The following BMPER variants were observed in gnomAD, a reference collection of about 807,000 sequenced individuals.
BMPER encodes the protein BMP-binding endothelial regulator protein.
In BMPER, 45 loss-of-function variants were observed where a neutral mutation model predicts 87.3. The observed-to-expected ratio is 0.52, with a 90% confidence interval of 0.41 to 0.66. BMPER has a LOEUF of 0.66. BMPER is among the 30% of genes least tolerant of loss of function. The pLI is 0.00. For missense variants in BMPER, 784 were observed against 867.5 expected (o/e 0.90, Z 1.21); for synonymous variants, 326 against 316.2 (o/e 1.03, Z -0.33).
chr7:33,968,471 C>G (rs1189836533), intron 4 of BMPER, among the ~76,000 whole-genome samples: 1 of 152,174 alleles, frequency 6.6e-6, no homozygotes, highest in Non-Finnish European at 1.5e-5. Context: ...TCTTTGCATG[C>G]TCTTCTTTTC....
chr7:33,954,842 G>A (rs1785112518), intron 3 of BMPER, among the ~76,000 whole-genome samples: 1 of 152,060 alleles, frequency 6.6e-6, no homozygotes, highest in South Asian at 2.1e-4. Flanking sequence ...TGCTTTTCTT[G>A]ACAGATATTT....
At chr7:33,937,897 C>T (rs1325405052) in intron 3 of BMPER, among the ~76,000 whole-genome samples, 1 of 152,150 alleles carries the variant, frequency 6.6e-6, no homozygotes, top group Non-Finnish European at 1.5e-5. Flanking sequence ...CTAACATCTC[C>T]TTACTCCAGC....
chr7:34,146,062 C>T lies in BMPER; in HGVS notation c.1876+2702C>T, dbSNP rs550808533. Among the ~76,000 whole-genome samples the T allele has an allele frequency of 4.5e-4, 69 of 152,114 alleles. 1 individual carries two copies. Among genetic ancestry groups the T allele is most frequent in the Middle Eastern group, 3.4e-3 (1 of 292 alleles). On this transcript the variant is annotated intron_variant, in intron 14 of 14. Coordinates refer to ENST00000649409, the MANE Select transcript of BMPER (RefSeq NM_001365308.1). ...ATATACACACACACACATACACACACGCACACACACACATTATGAACTTCC... is the reference window on the plus strand; with the variant it reads ...ATATACACACACACACATACACACATGCACACACACACATTATGAACTTCC...
intron 11 of BMPER, among the ~76,000 whole-genome samples, chr7:34,064,340 A>T (rs1788520798): frequency 6.6e-6 from 1 of 152,122 alleles, no homozygotes; most frequent in Non-Finnish European, 1.5e-5. Context: ...ATCTTGAATT[A>T]TCTGACTTTA....
At chr7:34,117,885 C>G (rs1319845484) in intron 13 of BMPER, among the ~76,000 whole-genome samples, 2 of 152,202 alleles carry the variant, frequency 1.3e-5, no homozygotes, top group East Asian at 3.8e-4. Flanking sequence ...ACTTTTATTT[C>G]TTGTGTTAAA....
At chr7:33,973,952 G>A (rs1785614788) in intron 5 of BMPER, among the ~76,000 whole-genome samples, 1 of 152,100 alleles carries the variant, frequency 6.6e-6, no homozygotes, top group Middle Eastern at 3.2e-3. Context: ...ACACCTCCTG[G>A]GTTTTGGTCC....
chr7:33,965,705 G>A (rs1385517348), intron 3 of BMPER, among the ~76,000 whole-genome samples: 2 of 152,104 alleles, frequency 1.3e-5, no homozygotes, highest in East Asian at 1.9e-4. Flanking sequence ...CAGTGTGGAG[G>A]GTTATTTGTA....
intron 2 of BMPER, among the ~76,000 whole-genome samples, chr7:33,929,628 G>A (rs536191645): frequency 6.6e-6 from 1 of 152,320 alleles, no homozygotes; most frequent in South Asian, 2.1e-4. Context: ...GCATAGTGAT[G>A]AAATCATAGG....
chr7:34,051,735 A>G, intron 7 of BMPER, 126 bp from the exon 8 acceptor site: 3 of 821,220 alleles, frequency 3.7e-6, no homozygotes, highest in Non-Finnish European at 6.3e-6. Context: ...CCAAGACTCT[A>G]TTTTTGTGCT....
intron 13 of BMPER, among the ~76,000 whole-genome samples, chr7:34,111,932 G>C (rs1789976128): frequency 6.6e-6 from 1 of 151,968 alleles, no homozygotes; most frequent in Non-Finnish European, 1.5e-5. Flanking sequence ...GGCTGATCTC[G>C]AACTCCCGAC....
intron 2 of BMPER, among the ~76,000 whole-genome samples, chr7:33,924,460 C>A (rs1261214813): frequency 6.6e-6 from 1 of 152,204 alleles, no homozygotes; most frequent in African/African-American, 2.4e-5. Context: ...GCCTCAGCTC[C>A]CAAAGCACCT....
Position 34,087,658 on chromosome 7 carries a change from G to A in BMPER, c.1745+1566G>A, listed in dbSNP as rs183233531. The stretch of plus-strand genomic sequence containing the variant: ...TATAATTGTTGCCATCATTTCTTCC[G>A]TGATTAATTCAGTAATGAAGAAGAG... On this transcript the variant is annotated intron_variant, in intron 13 of 14. Transcript: ENST00000649409. Among the ~76,000 whole-genome samples, 337 of 152,274 alleles carry A rather than the reference G, an allele frequency of 2.2e-3. 1 individual carries two copies. The highest frequency in any genetic ancestry group is 7.5e-3 in the African/African-American group (312 of 41,560).
At chr7:34,059,545 T>C (rs1268604637) in intron 10 of BMPER, among the ~76,000 whole-genome samples, 1 of 113,272 alleles carries the variant, frequency 8.8e-6, no homozygotes, top group Admixed American at 1.1e-4. Context: ...TTGTCAAAGC[T>C]TGTTGGTGCC....
intron 13 of BMPER, among the ~76,000 whole-genome samples, chr7:34,129,499 G>A (rs115350513): frequency 0.019 from 2,837 of 150,446 alleles, 95 homozygotes; most frequent in African/African-American, 0.067. Flanking sequence ...GATCGTGCCA[G>A]TGACCACAGC....
chr7:34,046,477 C>T (rs947650768), intron 7 of BMPER, 72 bp downstream of exon 7: 8 of 1,488,808 alleles, frequency 5.4e-6, no homozygotes, highest in African/African-American at 1.4e-5. Context: ...TGTTTATCCA[C>T]GTTGTTGTTT....
chr7:33,945,086 C>T (rs1273168174), intron 3 of BMPER, among the ~76,000 whole-genome samples: 3 of 151,226 alleles, frequency 2.0e-5, no homozygotes, highest in African/African-American at 4.9e-5. Flanking sequence ...GGACTACAGG[C>T]GCCTGCCAAC....
rs971081350 is a variant in BMPER at position 33,992,467 on chromosome 7, T to A, written c.576+17683T>A. Among the ~76,000 whole-genome samples the A allele has an allele frequency of 3.0e-4, 44 of 145,914 alleles. 1 individual carries two copies. The highest frequency in any genetic ancestry group is 7.6e-5 in the Non-Finnish European group (5 of 65,952). ...CTGCCTTTTTTTGTTTTCCATTGGC[T>A]TGGTAGATCTTCCTCCATCCTTTTA... On this transcript the variant is annotated intron_variant, in intron 6 of 14. Transcript: ENST00000649409.
At chr7:33,962,251 G>A (rs561329818) in intron 3 of BMPER, among the ~76,000 whole-genome samples, 1 of 152,254 alleles carries the variant, frequency 6.6e-6, no homozygotes, top group African/African-American at 2.4e-5. Context: ...GCTAAGCCAA[G>A]CTTCTCTACA....
intron 13 of BMPER, among the ~76,000 whole-genome samples, chr7:34,132,709 G>A (rs1307217138): frequency 6.6e-6 from 1 of 152,128 alleles, no homozygotes; most frequent in Admixed American, 6.5e-5. Context: ...ATACTACCTA[G>A]TTTTGGGGCT....
Sources: allele counts gnomAD v4.1 joint callset (sites outside exome capture counted in the v4.1 genomes callset), GRCh38; gene constraint gnomAD v4.1.1; transcripts MANE v1.5; gene names NCBI Gene and HGNC (gene_info 2026-07-23, HGNC 2026-07-21).